Variants in DPP6 observed in about 807,000 individuals in gnomAD.
DPP6 encodes the protein dipeptidyl peptidase like 6, also known as A-type potassium channel modulatory protein DPP6.
Under a neutral mutation model 122.6 loss-of-function variants are expected in DPP6, and 69 were observed. The observed-to-expected ratio is 0.56, with a 90% CI of 0.46 to 0.69. DPP6 has a LOEUF of 0.69. Among genes scored for constraint, DPP6 ranks in the 30% least tolerant of loss-of-function variants. The pLI, the probability that DPP6 is intolerant of heterozygous loss-of-function variation, is 0.00. For missense variants in DPP6, 928 were observed against 1,116.9 expected (o/e 0.83, Z 2.41); for synonymous variants, 418 against 433.1 (o/e 0.97, Z 0.43).
At chr7:154,522,966 C>G (rs34095652) in intron 3 of DPP6, among the ~76,000 whole-genome samples, 45,666 of 152,050 alleles carry the variant, frequency 0.3, 7,022 homozygotes, top group African/African-American at 0.35. Flanking sequence ...CCCCCAAAAC[C>G]CACCTCTGGG....
At chr7:154,425,394 G>C (rs1301425604) in intron 1 of DPP6, among the ~76,000 whole-genome samples, 1 of 152,150 alleles carries the variant, frequency 6.6e-6, no homozygotes, top group African/African-American at 2.4e-5. Flanking sequence ...TAGGTAATTT[G>C]TGCAGCCCTA....
At chr7:154,222,703 A>G (rs1800376441) in intron 1 of DPP6, among the ~76,000 whole-genome samples, 1 of 149,398 alleles carries the variant, frequency 6.7e-6, no homozygotes, top group Non-Finnish European at 1.5e-5. Flanking sequence ...CTGCTTTGCA[A>G]CAGACAGAAC....
chr7:153,943,307 T>C (rs1467770768), intron 1 of DPP6, among the ~76,000 whole-genome samples: 1 of 152,174 alleles, frequency 6.6e-6, no homozygotes, highest in Non-Finnish European at 1.5e-5. Flanking sequence ...GAAGTAAACA[T>C]CTGTTGATTT....
chr7:154,243,132 C>A (rs769156758), intron 1 of DPP6, among the ~76,000 whole-genome samples: 1 of 152,162 alleles, frequency 6.6e-6, no homozygotes. Flanking sequence ...AATTTCCCTG[C>A]TGCCAAAACA....
intron 1 of DPP6, among the ~76,000 whole-genome samples, chr7:154,390,970 G>A (rs1328274915): frequency 1.3e-5 from 2 of 152,098 alleles, no homozygotes; most frequent in African/African-American, 2.4e-5. Context: ...TGACCTGGGC[G>A]GTTGCTTTAC....
At chr7:154,414,988 C>T (rs1374818479) in intron 1 of DPP6, among the ~76,000 whole-genome samples, 1 of 152,166 alleles carries the variant, frequency 6.6e-6, no homozygotes, top group Non-Finnish European at 1.5e-5. Context: ...TAGCAAGAGG[C>T]CTGGGTCCCA....
chr7:154,331,446 A>G (rs1399118409), intron 1 of DPP6, among the ~76,000 whole-genome samples: 1 of 152,206 alleles, frequency 6.6e-6, no homozygotes, highest in Non-Finnish European at 1.5e-5. Context: ...ACAGGAAGAA[A>G]GAACTCACCT....
intron 1 of DPP6, among the ~76,000 whole-genome samples, chr7:154,238,873 T>G (rs969343312): frequency 2.0e-5 from 3 of 152,258 alleles, no homozygotes; most frequent in Non-Finnish European, 4.4e-5. Flanking sequence ...AATGCCATAT[T>G]GGAAGTTAAC....
intron 3 of DPP6, among the ~76,000 whole-genome samples, chr7:154,527,321 A>G (rs1035793035): frequency 2.0e-5 from 3 of 152,214 alleles, no homozygotes; most frequent in African/African-American, 7.2e-5. Flanking sequence ...CTTTGGGCTC[A>G]GATATTGCCT....
rs545461913 is a variant in DPP6, at chr7:154,107,114, G to C, written c.243+54051G>C. 2.6e-5 allele frequency among the ~76,000 whole-genome samples: 4 copies of C among 152,258 alleles called. No individual in the cohort carries two copies. The East Asian group carries it at 7.7e-4, about 29-fold the overall frequency. On this transcript the variant is annotated intron_variant, in intron 1 of 25. Transcript: ENST00000377770. ...GAACCAAAGGAACTGAAATCAGCTT[G>C]TCAAAGAGACATCTGCACTCCCATG...
intron 4 of DPP6, among the ~76,000 whole-genome samples, chr7:154,551,548 C>T (rs997065700): frequency 2.6e-5 from 4 of 151,974 alleles, no homozygotes; most frequent in Admixed American, 2.6e-4. Flanking sequence ...AGTGGAAGAT[C>T]GGGATCATAA....
chr7:154,819,777 CAT>C (rs1401392676), intron 16 of DPP6, among the ~76,000 whole-genome samples: 1 of 152,180 alleles, frequency 6.6e-6, no homozygotes, highest in Admixed American at 6.5e-5. Context: ...GTAAAGTAAA[CAT>C]AAATGGTTCA....
intron 8 of DPP6, among the ~76,000 whole-genome samples, chr7:154,763,158 C>G (rs113541887): frequency 0.13 from 19,225 of 152,194 alleles, 1,295 homozygotes; most frequent in South Asian, 0.19. Flanking sequence ...ATGGTGAAAC[C>G]CCGTCTCTAC....
chr7:154,604,695 T>C (rs745650296), intron 5 of DPP6, among the ~76,000 whole-genome samples: 1 of 121,406 alleles, frequency 8.2e-6, no homozygotes, highest in Non-Finnish European at 1.9e-5. Context: ...CACTTTGCAT[T>C]GAGTGTTACC....
chr7:154,367,283 C>T (rs1171508118), intron 1 of DPP6, among the ~76,000 whole-genome samples: 3 of 152,250 alleles, frequency 2.0e-5, no homozygotes. Context: ...GACATTTCTA[C>T]TAGCCTTGGT....
the DPP6 span, among the ~76,000 whole-genome samples, chr7:153,826,209 G>A: frequency 5.9e-5 from 9 of 152,292 alleles, no homozygotes. Flanking sequence ...GGAGTAGATG[G>A]GGAAATGGAT....
chr7:154,501,686 GT>G (rs1825262190), intron 3 of DPP6, among the ~76,000 whole-genome samples: 1 of 152,224 alleles, frequency 6.6e-6, no homozygotes, highest in African/African-American at 2.4e-5. Context: ...CCAGGCAGAA[GT>G]TTGCTGCAGG....
chr7:154,517,912 A>G lies in DPP6; in HGVS notation c.458-22620A>G, dbSNP rs181729887. ...TTTACCCTACACCTCCACCATTCGGAGAGGCAGCTCTAATAAATGAGATGC... is the reference window on the plus strand; with the variant it reads ...TTTACCCTACACCTCCACCATTCGGGGAGGCAGCTCTAATAAATGAGATGC... On this transcript the variant is annotated intron_variant, in intron 3 of 25. Transcript: ENST00000377770. 6.5e-3 allele frequency among the ~76,000 whole-genome samples: 989 copies of G among 152,294 alleles called. 13 individuals are homozygous for G. The highest frequency in any genetic ancestry group is 0.022 in the African/African-American group (925 of 41,566).
At chr7:154,805,154 T>C (rs957755537) in intron 15 of DPP6, among the ~76,000 whole-genome samples, 190 bp downstream of exon 15, 2 of 152,224 alleles carry the variant, frequency 1.3e-5, no homozygotes, top group Non-Finnish European at 1.5e-5. Flanking sequence ...GTTTTGAGAC[T>C]TTTGAAGCTT....
Sources: gnomAD v4.1 joint callset for allele counts (sites outside exome capture counted in the v4.1 genomes callset) on GRCh38, gnomAD v4.1.1 for gene constraint, MANE v1.5 for transcripts, NCBI Gene and HGNC (gene_info 2026-07-23, HGNC 2026-07-21) for gene names.